The following MTR variants were observed in gnomAD, a reference collection of about 807,000 sequenced individuals.
MTR encodes the protein 5-methyltetrahydrofolate-homocysteine methyltransferase, also known as methionine synthase.
Under a neutral mutation model 154.8 loss-of-function variants are expected in MTR, and 84 were observed. The ratio of observed to expected loss-of-function variants is 0.54; its 90% CI spans 0.45 to 0.65. The LOEUF (loss-of-function observed/expected upper bound fraction) is 0.65. MTR is among the 30% of genes least tolerant of loss of function. The pLI is 0.00. For synonymous variants in MTR, 554 were observed against 553.9 expected, an observed-to-expected ratio of 1.00 and a Z score of 0.00; for missense variants, 1,275 against 1,570.2, an observed-to-expected ratio of 0.81 and a Z score of 3.18.
intron 11 of MTR, among the ~76,000 whole-genome samples, chr1:236,828,017 G>T (rs1662392654): frequency 1.3e-5 from 2 of 151,914 alleles, no homozygotes. Context: ...TTGCTCTGTT[G>T]CCCAGGCTGG....
intron 18 of MTR, among the ~76,000 whole-genome samples, chr1:236,857,615 C>T (rs1280370415): frequency 6.6e-6 from 1 of 152,198 alleles, no homozygotes; most frequent in East Asian, 1.9e-4. Context: ...ACTAAAATGT[C>T]GCTTTGTGCC....
In MTR at chr1:236,895,586, T is replaced by C. The variant is rs532438107; in HGVS notation, c.3598+36T>C. 5 of 1,548,452 alleles carry C rather than the reference T, an allele frequency of 3.2e-6. No homozygotes were observed. The African/African-American group carries it at 6.8e-5, about 21-fold the overall frequency. On this transcript the variant is annotated intron_variant, in intron 31 of 32. Transcript: ENST00000366577. ...GGAGGCTGCGGGTTCCTGTCTTCCT[T>C]CTTCAGTAGATACTCTTATCAGCAT... is the stretch of plus-strand genomic sequence containing the variant.
rs1482693835 is a variant in MTR at position 236,902,544 on chromosome 1, G to A, written c.*4900G>A. The A allele has an allele frequency of 6.6e-6, 1 of 152,284 alleles. No individual in the cohort carries two copies. Among genetic ancestry groups the A allele is most frequent in the African/African-American group, 2.4e-5 (1 of 41,446 alleles). The allele number at this position is 152,284 out of a possible 1,614,324, so 9.4% of individuals were successfully genotyped here. On this transcript the variant is annotated 3_prime_UTR_variant, in exon 33 of 33. Coordinates refer to ENST00000366577, the MANE Select transcript of MTR (RefSeq NM_000254.3). Reference sequence around the variant, plus strand: ...TTGAGCAGATCCTCTAGGGACAGGAGTTGGATGGAGAGCAGACTGTAAAGC... The same window carrying A: ...TTGAGCAGATCCTCTAGGGACAGGAATTGGATGGAGAGCAGACTGTAAAGC...
chr1:236,825,326 A>G lies in MTR; in HGVS notation c.866-12A>G. On this transcript the variant is annotated splice_polypyrimidine_tract_variant and intron_variant, in intron 9 of 32. Coordinates refer to ENST00000366577, the MANE Select transcript of MTR (RefSeq NM_000254.3). Reference sequence around the variant, plus strand: ...GGCAATTTGCAATAATGGTTGAATTATCCTTTCTCAGGTCTTCCCAACACC... The same window carrying G: ...GGCAATTTGCAATAATGGTTGAATTGTCCTTTCTCAGGTCTTCCCAACACC... 2 of 1,608,956 alleles carry G rather than the reference A, an allele frequency of 1.2e-6. No individual in the cohort carries two copies. Among genetic ancestry groups the G allele is most frequent in the Non-Finnish European group, 8.5e-7 (1 of 1,175,368 alleles).
chr1:236,831,896 T>G, intron 12 of MTR, 70 bp from the exon 13 acceptor site: 2 of 1,090,166 alleles, frequency 1.8e-6, no homozygotes, highest in Non-Finnish European at 2.8e-6. Flanking sequence ...ATTGAATACA[T>G]TTGTGTCTGT....
chr1:236,897,310 G>GCGCACGCGCACACACACACACA, intron 32 of MTR, among the ~76,000 whole-genome samples, 192 bp downstream of exon 32: 2 of 128,614 alleles, frequency 1.6e-5, no homozygotes, highest in Admixed American at 7.6e-5. Flanking sequence ...CCACACACAC[G>GCGCACGCGCACACACACACACA]CACACACACA....
At chr1:236,897,310 G>GCACACACACACACA (rs57786802) in intron 32 of MTR, among the ~76,000 whole-genome samples, 192 bp downstream of exon 32, 12 of 128,650 alleles carry the variant, frequency 9.3e-5, no homozygotes, top group South Asian at 5.5e-4. Flanking sequence ...CCACACACAC[G>GCACACACACACACA]CACACACACA....
intron 29 of MTR, among the ~76,000 whole-genome samples, chr1:236,894,021 T>C (rs1310963044): frequency 6.6e-6 from 1 of 152,088 alleles, no homozygotes; most frequent in African/African-American, 2.4e-5. Flanking sequence ...TTTTAAACCG[T>C]GACTTTAGCA....
chr1:236,852,516 G>T lies in MTR; in HGVS notation c.1696-5G>T, dbSNP rs775095948. ...AATCTTTTCATATTTTAAAATTTTT[G>T]CCAGGAAACATTACCTGGAGCCAGA... On this transcript the variant is annotated splice_region_variant and splice_polypyrimidine_tract_variant and intron_variant, in intron 16 of 32. Transcript: ENST00000366577. 3 of 1,607,298 alleles carry T rather than the reference G, an allele frequency of 1.9e-6. No homozygotes were observed. The highest frequency in any genetic ancestry group is 2.7e-5 in the African/African-American group (2 of 74,564).
intron 22 of MTR, 66 bp from the exon 23 acceptor site, chr1:236,873,707 G>T (rs769715644): frequency 7.6e-7 from 1 of 1,321,028 alleles, no homozygotes; most frequent in Non-Finnish European, 1.1e-6. Flanking sequence ...AAATAAAAAT[G>T]TTCATTTCAG....
chr1:236,863,317 C>T (rs1028817272), intron 21 of MTR, 137 bp from the exon 22 acceptor site: 4 of 759,624 alleles, frequency 5.3e-6, no homozygotes, highest in Admixed American at 2.0e-5. Context: ...GTTTGGGCTT[C>T]GGTTTCCAGG....
At chr1:236,871,846 A>C (rs1306869467) in intron 22 of MTR, among the ~76,000 whole-genome samples, 1 of 151,902 alleles carries the variant, frequency 6.6e-6, no homozygotes, top group Admixed American at 6.6e-5. Context: ...TTTTTTTTTA[A>C]CTTTTTTTAA....
chr1:236,828,171 G>A (rs1662405532), intron 11 of MTR, among the ~76,000 whole-genome samples: 1 of 152,116 alleles, frequency 6.6e-6, no homozygotes, highest in Non-Finnish European at 1.5e-5. Flanking sequence ...TAGAGACGGG[G>A]TTTCACCTCG....
At chr1:236,897,343 C>CACACACACAT (rs1366033407) in intron 32 of MTR, among the ~76,000 whole-genome samples, 11 of 139,854 alleles carry the variant, frequency 7.9e-5, no homozygotes, top group Admixed American at 6.1e-4. Flanking sequence ...CACACACACA[C>CACACACACAT]ATACAGCTTC....
At chr1:236,805,715 C>G (rs1003549220) in intron 2 of MTR, among the ~76,000 whole-genome samples, 1 of 152,018 alleles carries the variant, frequency 6.6e-6, no homozygotes, top group Non-Finnish European at 1.5e-5. Flanking sequence ...ACAGACTGGT[C>G]TTGAACTCCT....
At chr1:236,891,610 G>A (rs1262094245) in intron 29 of MTR, among the ~76,000 whole-genome samples, 1 of 152,158 alleles carries the variant, frequency 6.6e-6, no homozygotes, top group Non-Finnish European at 1.5e-5. Flanking sequence ...GTCTCAGGTG[G>A]TCACGTGTCA....
intron 24 of MTR, among the ~76,000 whole-genome samples, chr1:236,877,229 C>G (rs1200638057): frequency 6.6e-6 from 1 of 152,216 alleles, no homozygotes; most frequent in Non-Finnish European, 1.5e-5. Flanking sequence ...CTTGCTTTAG[C>G]AAGCTCTCTT....
rs16834420 is a variant in MTR at position 236,814,618 on chromosome 1, C to A, written c.610-986C>A. ...TGATAGGAATGATGTGGAGCATTAT[C>A]CTTATCATCCAAAATTCTGGAGTGC... is the stretch of plus-strand genomic sequence containing the variant. On this transcript the variant is annotated intron_variant, in intron 6 of 32. Transcript: ENST00000366577. Among the ~76,000 whole-genome samples, 453 of 152,204 alleles carry A rather than the reference C, an allele frequency of 3.0e-3. 2 individuals carry two copies. Among genetic ancestry groups the A allele is most frequent in the African/African-American group, 0.011 (441 of 41,516 alleles).
At chr1:236,822,191 G>A (rs1292419724) in intron 8 of MTR, among the ~76,000 whole-genome samples, 4 of 150,306 alleles carry the variant, frequency 2.7e-5, no homozygotes, top group South Asian at 2.1e-4. Context: ...CTTGAAATAT[G>A]TTTTCATTTA....
Sources: gnomAD v4.1 joint callset for allele counts (sites outside exome capture counted in the v4.1 genomes callset) on GRCh38, gnomAD v4.1.1 for gene constraint, MANE v1.5 for transcripts, NCBI Gene and HGNC (gene_info 2026-07-23, HGNC 2026-07-21) for gene names.